The following RFTN1 variants were observed in gnomAD, a reference collection of about 807,000 sequenced individuals.
The protein encoded by RFTN1 is raftlin.
In RFTN1, 26 loss-of-function variants were observed where a neutral mutation model predicts 46.5. The observed-to-expected ratio is 0.56, with a 90% CI of 0.41 to 0.78. The LOEUF (loss-of-function observed/expected upper bound fraction) is 0.78, where lower values mean the gene tolerates loss of function less well. Ranked by LOEUF, RFTN1 falls within the 30% of genes least tolerant of loss-of-function variation. RFTN1 has a pLI of 0.00. For missense variants in RFTN1, 693 were observed against 718.7 expected (o/e 0.96, Z 0.41); for synonymous variants, 261 against 284.2 (o/e 0.92, Z 0.82).
At position 16,353,070 on chromosome 3, in the gene RFTN1, C is replaced by A. The variant is rs2125323693; in HGVS notation, c.1146+4862G>T. Among the ~76,000 whole-genome samples the A allele has an allele frequency of 6.6e-6, 1 of 152,264 alleles. No individual in the cohort carries two copies. Among genetic ancestry groups the A allele is most frequent in the Admixed American group, 6.5e-5 (1 of 15,298 alleles). The stretch of plus-strand genomic sequence containing the variant: ...AGGAAAGAGGCAGGAAAGGGACAGA[C>A]CAGTCCCCACTGTGAGACATGAGAA... On this transcript the variant is annotated intron_variant, in intron 7 of 9. Transcript: ENST00000334133. This position sits in a 1 kb window ranked among gnomAD's most constrained non-coding sequence, Gnocchi z 5.4.
At chr3:16,371,608 C>G (rs145038818) in intron 5 of RFTN1, among the ~76,000 whole-genome samples, 1 of 152,232 alleles carries the variant, frequency 6.6e-6, no homozygotes. Flanking sequence ...TAGGGACCAA[C>G]GCTGGGCCAT....
intron 2 of RFTN1, among the ~76,000 whole-genome samples, chr3:16,467,460 C>T (rs1004875197): frequency 7.2e-5 from 11 of 152,346 alleles, no homozygotes; most frequent in Admixed American, 2.0e-4. Context: ...GCTGCCTCCG[C>T]TGCCCGCCAC....
At position 16,381,238 on chromosome 3, in the gene RFTN1, G is replaced by C. The variant is rs2073981751; in HGVS notation, c.442-3136C>G. 6.6e-6 allele frequency among the ~76,000 whole-genome samples: 1 copy of C among 152,188 alleles called. No individual in the cohort carries two copies. Among genetic ancestry groups the C allele is most frequent in the African/African-American group, 2.4e-5 (1 of 41,444 alleles). ...CAAAATGAAAACAGCACTGTATTTG[G>C]GGAGTGGGGCTATAAGTGATTTTTT... On this transcript the variant is annotated intron_variant, in intron 4 of 9. Transcript: ENST00000334133. This position sits in a 1 kb window ranked among gnomAD's most constrained non-coding sequence, Gnocchi z 4.2.
chr3:16,495,391 A>C lies in RFTN1; in HGVS notation c.-8-1514T>G, dbSNP rs566999471. ...ACTGTTACTCTCTGCAAAGAGCCCAAAGGCTCGCCAAGTCACTCATTCATG... is the reference window on the plus strand; with the variant it reads ...ACTGTTACTCTCTGCAAAGAGCCCACAGGCTCGCCAAGTCACTCATTCATG... On this transcript the variant is annotated intron_variant, in intron 1 of 9. Transcript: ENST00000334133. 1.4e-4 allele frequency among the ~76,000 whole-genome samples: 21 copies of C among 152,378 alleles called. No homozygotes were observed. The South Asian group carries it at 3.5e-3, about 26-fold the overall frequency.
chr3:16,444,821 A>G (rs56165427), intron 2 of RFTN1, among the ~76,000 whole-genome samples: 17,729 of 152,180 alleles, frequency 0.12, 1,147 homozygotes, highest in African/African-American at 0.15. Context: ...GATTTAACCC[A>G]CCACCACTAC....
rs2076137020 is a variant in RFTN1, at chr3:16,468,344, T to G, written c.145+25381A>C. On this transcript the variant is annotated intron_variant, in intron 2 of 9. Transcript: ENST00000334133. This position sits in a 1 kb window ranked among gnomAD's most constrained non-coding sequence, Gnocchi z 4.4. ...CCTGCATTCTGTCTCGAGTTTCCGG[T>G]AGATAAGTAGGGCTCCCTTAGATGC... 6.6e-6 allele frequency among the ~76,000 whole-genome samples: 1 copy of G among 152,110 alleles called. No individual in the cohort carries two copies. The highest frequency in any genetic ancestry group is 6.5e-5 in the Admixed American group (1 of 15,276).
chr3:16,430,996 T>C (rs1486485198), intron 3 of RFTN1, among the ~76,000 whole-genome samples: 1 of 152,222 alleles, frequency 6.6e-6, no homozygotes, highest in Non-Finnish European at 1.5e-5. Flanking sequence ...TGGTGGTTCT[T>C]ATTTCTGAAG....
chr3:16,385,054 C>A lies in RFTN1; in HGVS notation c.442-6952G>T, dbSNP rs1439702972. ...TCAGACCACTGCCCACTCCGGCCCT[C>A]CCTCATAACTCACACGCCCCCGATC... On this transcript the variant is annotated intron_variant, in intron 4 of 9. Coordinates refer to ENST00000334133, the MANE Select transcript of RFTN1 (RefSeq NM_015150.2). The surrounding 1 kb of genome is among the most constrained non-coding windows in gnomAD (Gnocchi z 5.0). Among the ~76,000 whole-genome samples the A allele has an allele frequency of 1.3e-5, 2 of 152,206 alleles. No homozygotes were observed. The highest frequency in any genetic ancestry group is 2.9e-5 in the Non-Finnish European group (2 of 68,044).
rs2074223930 is a variant in RFTN1 at position 16,387,570 on chromosome 3, T to TTCTCTCCCTCTC, written c.442-9469_442-9468insGAGAGGGAGAGA. On this transcript the variant is annotated intron_variant, in intron 4 of 9. Coordinates refer to ENST00000334133, the MANE Select transcript of RFTN1 (RefSeq NM_015150.2). This position sits in a 1 kb window ranked among gnomAD's most constrained non-coding sequence, Gnocchi z 5.2. ...CACTTCTCTCTTCTATATCCTCAAT[T>TTCTCTCCCTCTC]TCTCTCTCTCTCTCTCTCTCTCTCT... Among the ~76,000 whole-genome samples, 2 of 116,418 alleles carry TTCTCTCCCTCTC rather than the reference T, an allele frequency of 1.7e-5. No homozygotes were observed. Among genetic ancestry groups the TTCTCTCCCTCTC allele is most frequent in the South Asian group, 2.8e-4 (1 of 3,576 alleles). 76.4% of individuals were successfully genotyped at this position (116,418 alleles called of 152,430 possible).
In RFTN1 at chr3:16,422,117, G is replaced by C. The variant is rs1033483985; in HGVS notation, c.332+11734C>G. Among the ~76,000 whole-genome samples the C allele has an allele frequency of 6.6e-6, 1 of 152,114 alleles. No individual in the cohort carries two copies. The highest frequency in any genetic ancestry group is 6.5e-5 in the Admixed American group (1 of 15,272). On this transcript the variant is annotated intron_variant, in intron 3 of 9. Transcript: ENST00000334133. The surrounding 1 kb of genome is among the most constrained non-coding windows in gnomAD (Gnocchi z 4.6). The stretch of plus-strand genomic sequence containing the variant: ...CACTTTGGTAACCACTGTTTAGATA[G>C]TACATAGAATTTCCAGAATTATTAT...
intron 2 of RFTN1, chr3:16,471,877 G>A (rs1379993424): frequency 2.0e-5 from 3 of 152,042 alleles, no homozygotes; most frequent in African/African-American, 7.3e-5. Flanking sequence ...TTTTTAAAAG[G>A]TGACCCTGAA....
rs564097114 is a variant in RFTN1, at chr3:16,377,806, A to G, written c.738T>C (p.Gly246=). ...TCACCCCCTGTGGTGAAAGTTCTCC[A>G]CCATCTCCCTCTCCGGAGGGTGAGC... The part of the protein sequence containing the change: ...QPSSPSGEGD[G]GELSPQGVSK... Residue 246 remains glycine, a synonymous_variant, in exon 5 of 10, where the codon GGT becomes GGC. Coordinates refer to ENST00000334133, the MANE Select transcript of RFTN1 (RefSeq NM_015150.2). The G allele has an allele frequency of 6.2e-7, 1 of 1,613,884 alleles. No individual in the cohort carries two copies. The highest frequency in any genetic ancestry group is 1.7e-5 in the Admixed American group (1 of 60,008).
intron 4 of RFTN1, among the ~76,000 whole-genome samples, chr3:16,405,975 T>G (rs563560036): frequency 2.0e-5 from 3 of 152,142 alleles, no homozygotes; most frequent in Non-Finnish European, 4.4e-5. Flanking sequence ...AATTAACAAG[T>G]GTCACCACTA....
chr3:16,356,347 CCTCAGGACTTCT>C lies in RFTN1; in HGVS notation c.1146+1573_1146+1584del, dbSNP rs751362875. ...AGGCTGTCACCTGGTTCCTGACTTC[CCTCAGGACTTCT>C]GGCCCCTACGCTAACCAGCCCCGGA... On this transcript the variant is annotated intron_variant, in intron 7 of 9. Coordinates refer to ENST00000334133, the MANE Select transcript of RFTN1 (RefSeq NM_015150.2). The surrounding 1 kb of genome is among the most constrained non-coding windows in gnomAD (Gnocchi z 4.9). Among the ~76,000 whole-genome samples the C allele has an allele frequency of 6.6e-6, 1 of 152,204 alleles. No homozygotes were observed. Among genetic ancestry groups the C allele is most frequent in the Non-Finnish European group, 1.5e-5 (1 of 68,032 alleles).
intron 2 of RFTN1, among the ~76,000 whole-genome samples, chr3:16,491,648 T>C (rs1279432261): frequency 1.3e-5 from 2 of 151,662 alleles, no homozygotes; most frequent in Admixed American, 1.3e-4. Context: ...TATGAAGCAG[T>C]GGGGGGACAA....
chr3:16,496,168 G>A (rs773670304), intron 1 of RFTN1, among the ~76,000 whole-genome samples: 5 of 152,256 alleles, frequency 3.3e-5, no homozygotes, highest in Non-Finnish European at 5.9e-5. Context: ...CCAAGAAAGA[G>A]AGGAAGCCCC....
rs539692821 is a variant in RFTN1, at chr3:16,321,071, T to C, written c.1332+2305A>G. ...AGATGGGTCTTAAGGATAGATTGAA[T>C]ATAGGGGAAGGAGAGGGGAGGGTCA... is the stretch of plus-strand genomic sequence containing the variant. On this transcript the variant is annotated intron_variant, in intron 9 of 9. Transcript: ENST00000334133. The surrounding 1 kb of genome is among the most constrained non-coding windows in gnomAD (Gnocchi z 4.8). 4.0e-5 allele frequency among the ~76,000 whole-genome samples: 6 copies of C among 151,774 alleles called. No homozygotes were observed. Among genetic ancestry groups the C allele is most frequent in the Non-Finnish European group, 8.8e-5 (6 of 67,950 alleles).
At chr3:16,391,295 T>C (rs1027904715) in intron 4 of RFTN1, among the ~76,000 whole-genome samples, 1 of 152,248 alleles carries the variant, frequency 6.6e-6, no homozygotes, top group Admixed American at 6.5e-5. Context: ...GCTAAATTTA[T>C]AATAATGAAT....
intron 2 of RFTN1, among the ~76,000 whole-genome samples, chr3:16,493,480 G>A (rs897560976): frequency 2.6e-5 from 4 of 152,052 alleles, no homozygotes; most frequent in Non-Finnish European, 5.9e-5. Flanking sequence ...TGATCCACCC[G>A]CCTCGGCCTC....
Sources: gnomAD v4.1 joint callset for allele counts (sites outside exome capture counted in the v4.1 genomes callset) on GRCh38, gnomAD v4.1.1 for gene constraint, Gnocchi (gnomAD v3.1) non-coding constraint, MANE v1.5 for transcripts, NCBI Gene and HGNC (gene_info 2026-07-23, HGNC 2026-07-21) for gene names.